The following RBFOX1 variants were observed in gnomAD, a reference collection of about 807,000 sequenced individuals.
The protein encoded by RBFOX1 is RNA binding fox-1 homolog 1.
In RBFOX1, 8 loss-of-function variants were observed where a neutral mutation model predicts 57.7. The ratio of observed to expected loss-of-function variants is 0.14; its 90% CI spans 0.08 to 0.25. The LOEUF is 0.25. Among genes scored for constraint, RBFOX1 ranks in the 10% least tolerant of loss-of-function variants. The pLI is 1.00. For missense variants in RBFOX1, 611 were observed against 548.5 expected (o/e 1.11, Z -1.14); for synonymous variants, 326 against 222.4 (o/e 1.47, Z -4.15).
At chr16:7,353,521 T>C (rs188433702) in intron 4 of RBFOX1, among the ~76,000 whole-genome samples, 2 of 152,308 alleles carry the variant, frequency 1.3e-5, no homozygotes, top group East Asian at 1.9e-4. Flanking sequence ...GTGTTTATAA[T>C]AGCATTATTC....
chr16:5,952,229 C>A (rs1248852707), intron 4 of RBFOX1, among the ~76,000 whole-genome samples: 2 of 151,790 alleles, frequency 1.3e-5, no homozygotes, highest in Non-Finnish European at 2.9e-5. Flanking sequence ...CGGCTCACTG[C>A]AACCTCCACC....
At chr16:5,401,644 T>G (rs1250221686) in intron 1 of RBFOX1, among the ~76,000 whole-genome samples, 1 of 152,234 alleles carries the variant, frequency 6.6e-6, no homozygotes, top group Non-Finnish European at 1.5e-5. Flanking sequence ...TTTGGAAGAT[T>G]TGACATTTTT....
chr16:5,956,273 C>G (rs1391609576), intron 4 of RBFOX1, among the ~76,000 whole-genome samples: 1 of 152,018 alleles, frequency 6.6e-6, no homozygotes, highest in African/African-American at 2.4e-5. Flanking sequence ...GAAACTGTTT[C>G]AAAATGAACA....
At chr16:6,747,659 A>G (rs964946381) in intron 3 of RBFOX1, among the ~76,000 whole-genome samples, 1 of 152,100 alleles carries the variant, frequency 6.6e-6, no homozygotes. Context: ...GCTATCCCAC[A>G]CCACCCCTAC....
chr16:6,199,618 A>G (rs754146520), intron 1 of RBFOX1, among the ~76,000 whole-genome samples: 2 of 152,212 alleles, frequency 1.3e-5, no homozygotes, highest in Non-Finnish European at 2.9e-5. Context: ...TATTAACTAA[A>G]TAATACTTAC....
intron 3 of RBFOX1, among the ~76,000 whole-genome samples, chr16:6,993,686 T>A (rs1393252596): frequency 6.6e-6 from 1 of 152,174 alleles, no homozygotes; most frequent in Non-Finnish European, 1.5e-5. Flanking sequence ...CATTAGGTAA[T>A]ATATTTAATG....
chr16:6,634,357 C>G (rs12927038), intron 2 of RBFOX1, among the ~76,000 whole-genome samples: 11,343 of 152,086 alleles, frequency 0.075, 467 homozygotes, highest in Non-Finnish European at 0.092. Context: ...CAACAACTGT[C>G]AGCTCTGTGA....
chr16:7,699,376 G>A (rs1035022350), intron 14 of RBFOX1, among the ~76,000 whole-genome samples: 9 of 152,172 alleles, frequency 5.9e-5, no homozygotes, highest in Admixed American at 4.6e-4. Flanking sequence ...ATTTTTTGAA[G>A]AAATGGGGTC....
intron 1 of RBFOX1, among the ~76,000 whole-genome samples, chr16:5,393,321 A>G (rs2066464682): frequency 6.6e-6 from 1 of 152,180 alleles, no homozygotes. Flanking sequence ...AGCTGTCTCA[A>G]GCCGAATACT....
At chr16:5,482,070 C>G (rs1055666687) in intron 2 of RBFOX1, among the ~76,000 whole-genome samples, 3 of 152,150 alleles carry the variant, frequency 2.0e-5, no homozygotes, top group Admixed American at 6.5e-5. Flanking sequence ...GGGACCCTGT[C>G]CAAGTAAGGA....
At chr16:7,559,845 C>G (rs1382225649) in intron 5 of RBFOX1, among the ~76,000 whole-genome samples, 1 of 152,130 alleles carries the variant, frequency 6.6e-6, no homozygotes. Context: ...CATTTTAAGG[C>G]TGTGGGAAGA....
At chr16:6,598,030 T>C (rs1226106920) in intron 2 of RBFOX1, among the ~76,000 whole-genome samples, 2 of 152,210 alleles carry the variant, frequency 1.3e-5, no homozygotes, top group Non-Finnish European at 2.9e-5. Context: ...TAAGACAAAA[T>C]GATATCTTTA....
chr16:6,912,602 C>G lies in RBFOX1; in HGVS notation c.-15-139455C>G, dbSNP rs12598667. 2.0e-3 allele frequency among the ~76,000 whole-genome samples: 309 copies of G among 150,938 alleles called. 1 individual carries two copies. Among genetic ancestry groups the G allele is most frequent in the Middle Eastern group, 0.01 (3 of 290 alleles). On this transcript the variant is annotated intron_variant, in intron 3 of 15. Transcript: ENST00000550418. Reference sequence around the variant, plus strand: ...CTTTCTTGCTTTCTTGCTTTCTTTTCTTGTGTGTGTGTGTTATTACTATTT... The same window carrying G: ...CTTTCTTGCTTTCTTGCTTTCTTTTGTTGTGTGTGTGTGTTATTACTATTT...
chr16:7,060,206 G>C (rs920560128), intron 4 of RBFOX1, among the ~76,000 whole-genome samples: 1 of 152,144 alleles, frequency 6.6e-6, no homozygotes, highest in Non-Finnish European at 1.5e-5. Context: ...TGCCATAATA[G>C]CACAAAAGCA....
At chr16:5,454,864 TTC>T (rs769273655) in intron 1 of RBFOX1, among the ~76,000 whole-genome samples, 1 of 51,444 alleles carries the variant, frequency 1.9e-5, no homozygotes, top group African/African-American at 6.6e-5. Context: ...TTTTCTTTCT[TTC>T]TTTCTTTCTT....
chr16:6,292,295 A>C (rs768061797), intron 1 of RBFOX1, among the ~76,000 whole-genome samples: 6 of 152,124 alleles, frequency 3.9e-5, no homozygotes, highest in Non-Finnish European at 7.4e-5. Flanking sequence ...GAATTTTTCC[A>C]ATAAAGTCCC....
At chr16:5,729,731 C>T (rs77710064) in intron 3 of RBFOX1, among the ~76,000 whole-genome samples, 2,164 of 152,204 alleles carry the variant, frequency 0.014, 47 homozygotes, top group African/African-American at 0.049. Flanking sequence ...CTACTCTTAT[C>T]GCAACTGGGG....
intron 3 of RBFOX1, among the ~76,000 whole-genome samples, chr16:5,640,615 C>A (rs950403636): frequency 6.6e-6 from 1 of 151,938 alleles, no homozygotes; most frequent in South Asian, 2.1e-4. Flanking sequence ...CATGCGCATA[C>A]ATATGCACAC....
chr16:6,676,636 A>G (rs1450880684), intron 3 of RBFOX1, among the ~76,000 whole-genome samples: 2 of 150,788 alleles, frequency 1.3e-5, no homozygotes. Context: ...TGTTATTCTC[A>G]ACTTACTTTC....
Sources: allele counts gnomAD v4.1 joint callset (sites outside exome capture counted in the v4.1 genomes callset), GRCh38; gene constraint gnomAD v4.1.1; transcripts MANE v1.5; gene names NCBI Gene and HGNC (gene_info 2026-07-23, HGNC 2026-07-21).